ONECUT1: variants seen among roughly 807,000 people sequenced by gnomAD.
The protein encoded by ONECUT1 is hepatocyte nuclear factor 6.
Under a neutral mutation model 25.6 loss-of-function variants are expected in ONECUT1, and 12 were observed. The observed-to-expected ratio is 0.47, with a 90% CI of 0.30 to 0.76. The LOEUF is 0.76. ONECUT1 is among the 30% of genes least tolerant of loss of function. The pLI is 0.07. For synonymous variants in ONECUT1, 285 were observed against 270.2 expected (o/e 1.05, Z -0.54); for missense variants, 620 against 651.2 (o/e 0.95, Z 0.52).
At chr15:52,787,190 T>C (rs1409074726) in intron 1 of ONECUT1, 2 of 152,262 alleles carry the variant, frequency 1.3e-5, no homozygotes, top group Non-Finnish European at 2.9e-5. Context: ...TCTTCTCCCC[T>C]GACTGGTTCC....
At chr15:52,760,298 C>T (rs748616855) in intron 1 of ONECUT1, among the ~76,000 whole-genome samples, 7 of 152,154 alleles carry the variant, frequency 4.6e-5, no homozygotes, top group African/African-American at 7.2e-5. Flanking sequence ...CAGCCCTCAC[C>T]GGGCACCTAG....
At chr15:52,774,762 A>C (rs2083789320) in intron 1 of ONECUT1, among the ~76,000 whole-genome samples, 1 of 152,198 alleles carries the variant, frequency 6.6e-6, no homozygotes, top group South Asian at 2.1e-4. Context: ...GCGGTACAAT[A>C]ATTAACTTTT....
chr15:52,789,798 G>A lies in ONECUT1; in HGVS notation c.87C>T (p.Gly29=). The change falls in exon 1 of 2, where the codon GGC becomes GGT. Residue 29 remains glycine (G), a synonymous_variant. Transcript: ENST00000305901. This position sits in a 1 kb window ranked among gnomAD's most constrained non-coding sequence, Gnocchi z 4.1. ...CGGAGCTGCGCGCGTGGGGGCTGCCGCCCAGCAGGTCGGCAGGGGCGGGCA... is the reference window on the plus strand; with the variant it reads ...CGGAGCTGCGCGCGTGGGGGCTGCCACCCAGCAGGTCGGCAGGGGCGGGCA... The part of the protein sequence containing the change: ...EPVPAPADLL[G]GSPHARSSVA... 6.7e-7 allele frequency: 1 copy of A among 1,482,714 alleles called. No homozygotes were observed. The highest frequency in any genetic ancestry group is 8.9e-7 in the Non-Finnish European group (1 of 1,129,298). The allele number at this position is 1,482,714 out of a possible 1,614,324, so 91.8% of individuals were successfully genotyped here.
intron 1 of ONECUT1, among the ~76,000 whole-genome samples, chr15:52,771,943 T>C (rs1408533025): frequency 6.6e-6 from 1 of 152,230 alleles, no homozygotes; most frequent in Admixed American, 6.5e-5. Context: ...TTGAGAAGAA[T>C]ACCAGGTAAT....
At chr15:52,774,582 G>A (rs1447226119) in intron 1 of ONECUT1, among the ~76,000 whole-genome samples, 2 of 152,136 alleles carry the variant, frequency 1.3e-5, no homozygotes, top group Non-Finnish European at 2.9e-5. Context: ...TAACAGGCGT[G>A]AGCCACCGCA....
intron 1 of ONECUT1, chr15:52,787,846 G>A (rs1246513914): frequency 6.6e-6 from 1 of 152,190 alleles, no homozygotes; most frequent in Admixed American, 6.5e-5. Context: ...GCGGTCTCGG[G>A]GAGCCAGGCG....
At position 52,790,305 on chromosome 15, in the gene ONECUT1, T is replaced by G. The variant is rs2083912676; in HGVS notation, c.-421A>C. Among the ~76,000 whole-genome samples, 1 of 151,256 alleles carries G rather than the reference T, an allele frequency of 6.6e-6. No individual in the cohort carries two copies. On this transcript the variant is annotated 5_prime_UTR_variant, in exon 1 of 2. Transcript: ENST00000305901. ...CGCGTCTGCTGCCTGCCCGCCCCGC[T>G]GGCCAGCTTGAGCCATGGCTCTGTT...
chr15:52,780,790 T>C (rs1220288387), intron 1 of ONECUT1: 10 of 1,394,070 alleles, frequency 7.2e-6, no homozygotes. Context: ...CATAGTTTAT[T>C]GCGTTCCTTC....
rs1173370037 is a variant in ONECUT1 at position 52,755,082 on chromosome 15, T to TA, written c.*2472dup. 6.5e-5 allele frequency among the ~76,000 whole-genome samples: 9 copies of TA among 138,450 alleles called. No individual in the cohort carries two copies. Among genetic ancestry groups the TA allele is most frequent in the African/African-American group, 2.5e-4 (9 of 36,320 alleles). The allele number at this position is 138,450 out of a possible 152,430, so 90.8% of individuals were successfully genotyped here. ...GGGGGTAATATATACTAGCAACAAATAAAAAACATGGTTGTCTGAATTCTG... is the reference window on the plus strand; with the variant it reads ...GGGGGTAATATATACTAGCAACAAATAAAAAAACATGGTTGTCTGAATTCTG... On this transcript the variant is annotated 3_prime_UTR_variant, in exon 2 of 2. Coordinates refer to ENST00000305901, the MANE Select transcript of ONECUT1 (RefSeq NM_004498.4).
At chr15:52,773,655 T>C (rs1379619779) in intron 1 of ONECUT1, among the ~76,000 whole-genome samples, 1 of 152,130 alleles carries the variant, frequency 6.6e-6, no homozygotes, top group Non-Finnish European at 1.5e-5. Flanking sequence ...ATTCTAGGAT[T>C]GGGGCAGAAT....
In ONECUT1 at chr15:52,789,576, G is replaced by A. The variant is rs1566996254; in HGVS notation, c.309C>T (p.Tyr103=). ...TPPGMSMPTT[Y]TTLTPLQPLP... The stretch of plus-strand genomic sequence containing the variant: ...GCGGCTGCAGAGGGGTCAAGGTGGT[G>A]TAGGTGGTGGGCATGCTCATACCTG... The change falls in exon 1 of 2, where the codon TAC becomes TAT. Residue 103 remains tyrosine (Y), a synonymous_variant. Transcript: ENST00000305901. This position sits in a 1 kb window ranked among gnomAD's most constrained non-coding sequence, Gnocchi z 4.1. The A allele has an allele frequency of 6.3e-7, 1 of 1,584,252 alleles. No individual in the cohort carries two copies. The highest frequency in any genetic ancestry group is 8.6e-7 in the Non-Finnish European group (1 of 1,163,292).
chr15:52,780,536 A>G lies in ONECUT1; in HGVS notation c.1105+8244T>C, dbSNP rs2083833933. 2.0e-6 allele frequency: 3 copies of G among 1,487,280 alleles called. No individual in the cohort carries two copies. In the East Asian group the frequency reaches 7.4e-5, roughly 37 times the overall value. 92.1% of individuals were successfully genotyped at this position (1,487,280 alleles called of 1,614,324 possible). A position where few individuals can be genotyped will look rare whatever the true frequency, so the allele number is the denominator to read the frequency against. On this transcript the variant is annotated intron_variant, in intron 1 of 1. Coordinates refer to ENST00000305901, the MANE Select transcript of ONECUT1 (RefSeq NM_004498.4). ...AAGTAATTAGAATTTAATCACTTTA[A>G]CTGCATCTTAATTACCCCAAATGAA...
chr15:52,777,726 ACACACAC>A (rs2083810684), intron 1 of ONECUT1, among the ~76,000 whole-genome samples: 1 of 119,914 alleles, frequency 8.3e-6, no homozygotes, highest in Non-Finnish European at 1.6e-5. Flanking sequence ...ACACACACAC[ACACACAC>A]ACACAAAAAA....
chr15:52,776,885 T>C (rs17708832), intron 1 of ONECUT1, among the ~76,000 whole-genome samples: 2,188 of 152,290 alleles, frequency 0.014, 85 homozygotes, highest in East Asian at 0.14. Flanking sequence ...TCAGTGGTGC[T>C]TCTCAGACTT....
At position 52,789,952 on chromosome 15, in the gene ONECUT1, C is replaced by T. The variant is rs1447671525; in HGVS notation, c.-68G>A. The stretch of plus-strand genomic sequence containing the variant: ...CCAGGCAGAGGCGGCGAGGGGCGCA[C>T]GGAGTCCGGTCTTCACATCGGCTGC... On this transcript the variant is annotated 5_prime_UTR_variant, in exon 1 of 2. In the 5' UTR this introduces an upstream ATG that the reference lacks. Coordinates refer to ENST00000305901, the MANE Select transcript of ONECUT1 (RefSeq NM_004498.4). The surrounding 1 kb of genome is among the most constrained non-coding windows in gnomAD (Gnocchi z 4.1). 3 of 1,461,962 alleles carry T rather than the reference C, an allele frequency of 2.1e-6. No homozygotes were observed. Among genetic ancestry groups the T allele is most frequent in the Non-Finnish European group, 2.7e-6 (3 of 1,115,260 alleles). The allele number at this position is 1,461,962 out of a possible 1,614,324, so 90.6% of individuals were successfully genotyped here.
chr15:52,783,371 G>A (rs1448188830), intron 1 of ONECUT1, among the ~76,000 whole-genome samples: 1 of 152,244 alleles, frequency 6.6e-6, no homozygotes, highest in Non-Finnish European at 1.5e-5. Context: ...ATTCCCGGCT[G>A]GGCCTAGCGC....
At chr15:52,764,978 A>G (rs2141448836) in intron 1 of ONECUT1, among the ~76,000 whole-genome samples, 1 of 152,332 alleles carries the variant, frequency 6.6e-6, no homozygotes, top group East Asian at 1.9e-4. Context: ...GGCAAGACAC[A>G]TCCTGAAGTT....
intron 1 of ONECUT1, among the ~76,000 whole-genome samples, chr15:52,783,484 C>A (rs751583385): frequency 1.3e-5 from 2 of 152,218 alleles, no homozygotes; most frequent in African/African-American, 2.4e-5. Flanking sequence ...TGGGACCAGG[C>A]GTCAGGGCGG....
At chr15:52,777,731 C>CAAAAAAAAAA (rs1370694948) in intron 1 of ONECUT1, among the ~76,000 whole-genome samples, 4 of 84,224 alleles carry the variant, frequency 4.7e-5, no homozygotes, top group Admixed American at 2.2e-4. Flanking sequence ...CACACACACA[C>CAAAAAAAAAA]ACACACAAAA....
Sources: allele counts gnomAD v4.1 joint callset (sites outside exome capture counted in the v4.1 genomes callset), GRCh38; gene constraint gnomAD v4.1.1; non-coding constraint Gnocchi (gnomAD v3.1); transcripts MANE v1.5; gene names NCBI Gene and HGNC (gene_info 2026-07-23, HGNC 2026-07-21).